SLIT2: variants seen among roughly 807,000 people sequenced by gnomAD.
The protein encoded by SLIT2 is slit homolog 2 protein.
Under a neutral mutation model 185.7 loss-of-function variants are expected in SLIT2, and 41 were observed. The ratio of observed to expected loss-of-function variants is 0.22; its 90% CI spans 0.17 to 0.29. The LOEUF is 0.29. Among genes scored for constraint, SLIT2 ranks in the 10% least tolerant of loss-of-function variants. The pLI is 1.00. For missense variants in SLIT2, 1,571 were observed against 1,909.0 expected (o/e 0.82, Z 3.30); for synonymous variants, 693 against 680.2 (o/e 1.02, Z -0.29).
rs561252636 is a variant in SLIT2, at chr4:20,330,482, A to G, written c.395+61601A>G. On this transcript the variant is annotated intron_variant, in intron 4 of 36. Transcript: ENST00000504154. ...GATTTTGAAAAATTAGTTATTTTTCATTTGAGTGGTATCTTAGAAGTTTAG... is the reference window on the plus strand; with the variant it reads ...GATTTTGAAAAATTAGTTATTTTTCGTTTGAGTGGTATCTTAGAAGTTTAG... 1.8e-4 allele frequency among the ~76,000 whole-genome samples: 27 copies of G among 152,258 alleles called. 1 individual carries two copies. The highest frequency in any genetic ancestry group is 6.5e-4 in the African/African-American group (27 of 41,586).
intron 4 of SLIT2, among the ~76,000 whole-genome samples, chr4:20,424,777 AG>A (rs1269157918): frequency 6.6e-6 from 1 of 152,090 alleles, no homozygotes; most frequent in East Asian, 1.9e-4. Flanking sequence ...GAGATTTACC[AG>A]GTGTTCATTA....
intron 4 of SLIT2, among the ~76,000 whole-genome samples, chr4:20,320,058 A>G (rs1270507366): frequency 6.6e-6 from 1 of 152,146 alleles, no homozygotes; most frequent in Non-Finnish European, 1.5e-5. Flanking sequence ...GTCACTGTAC[A>G]GTGTAGTCAG....
intron 4 of SLIT2, among the ~76,000 whole-genome samples, chr4:20,456,819 AC>A (rs1473535272): frequency 1.3e-5 from 2 of 152,116 alleles, no homozygotes; most frequent in Non-Finnish European, 2.9e-5. Context: ...TGAGACTGAG[AC>A]TATAGTTTAG....
chr4:20,432,434 G>A (rs533965609), intron 4 of SLIT2, among the ~76,000 whole-genome samples: 1 of 151,880 alleles, frequency 6.6e-6, no homozygotes, highest in East Asian at 1.9e-4. Flanking sequence ...TGTGGGAAAT[G>A]AGGTAAGACC....
At chr4:20,342,921 CTTTT>C (rs940747205) in intron 4 of SLIT2, among the ~76,000 whole-genome samples, 1 of 151,548 alleles carries the variant, frequency 6.6e-6, no homozygotes, top group Non-Finnish European at 1.5e-5. Context: ...TCTTTTCTTT[CTTTT>C]TTTCTTTCAT....
Position 20,390,088 on chromosome 4 carries a change from G to C in SLIT2, c.396-77664G>C, listed in dbSNP as rs73238778. ...CTCCAGACTTCTTTGATCATAGTCC[G>C]TATCAAGAAAGAATGTGTACATGTA... On this transcript the variant is annotated intron_variant, in intron 4 of 36. Coordinates refer to ENST00000504154, the MANE Select transcript of SLIT2 (RefSeq NM_004787.4). Among the ~76,000 whole-genome samples, 88 of 151,902 alleles carry C rather than the reference G, an allele frequency of 5.8e-4. No homozygotes were observed. In the South Asian group the frequency reaches 0.015, roughly 25 times the overall value.
chr4:20,407,650 G>C (rs546651139), intron 4 of SLIT2, among the ~76,000 whole-genome samples: 2 of 152,306 alleles, frequency 1.3e-5, no homozygotes, highest in East Asian at 3.9e-4. Context: ...AGTATCTTCA[G>C]AAGGCCAAGG....
intron 4 of SLIT2, among the ~76,000 whole-genome samples, chr4:20,385,541 T>C (rs1351146631): frequency 6.6e-6 from 1 of 152,182 alleles, no homozygotes; most frequent in Admixed American, 6.5e-5. Flanking sequence ...CAACTAATTA[T>C]ACAGGTTTTG....
intron 4 of SLIT2, among the ~76,000 whole-genome samples, chr4:20,320,610 C>T (rs1174842673): frequency 6.6e-6 from 1 of 152,074 alleles, no homozygotes; most frequent in African/African-American, 2.4e-5. Context: ...TTCCTTATCC[C>T]CACTACTCCC....
At chr4:20,469,816 T>TACAATCTC (rs1333098246) in intron 5 of SLIT2, among the ~76,000 whole-genome samples, 1 of 139,076 alleles carries the variant, frequency 7.2e-6, no homozygotes. Flanking sequence ...AGTGCAGTGG[T>TACAATCTC]ACAATCTCAG....
chr4:20,271,012 T>C (rs1713545469), intron 4 of SLIT2, among the ~76,000 whole-genome samples: 1 of 151,996 alleles, frequency 6.6e-6, no homozygotes, highest in Non-Finnish European at 1.5e-5. Flanking sequence ...TGGAAGTCTT[T>C]AATAAACAAA....
At chr4:20,458,336 T>C (rs950980865) in intron 4 of SLIT2, among the ~76,000 whole-genome samples, 4 of 152,084 alleles carry the variant, frequency 2.6e-5, no homozygotes, top group African/African-American at 9.7e-5. Flanking sequence ...ATCTACAATT[T>C]CCAACTAGAT....
chr4:20,412,389 A>G (rs1727327468), intron 4 of SLIT2, among the ~76,000 whole-genome samples: 1 of 152,156 alleles, frequency 6.6e-6, no homozygotes, highest in Non-Finnish European at 1.5e-5. Flanking sequence ...TAAATTAATC[A>G]TCTTATAAGA....
At chr4:20,531,549 T>C (rs1721812203) in intron 16 of SLIT2, among the ~76,000 whole-genome samples, 1 of 152,196 alleles carries the variant, frequency 6.6e-6, no homozygotes, top group Admixed American at 6.5e-5. Context: ...ATAGCAAAGA[T>C]GGTTCCACAA....
chr4:20,263,181 GGAAA>G (rs1319831072), intron 3 of SLIT2, among the ~76,000 whole-genome samples: 1 of 151,552 alleles, frequency 6.6e-6, no homozygotes, highest in East Asian at 1.9e-4. Context: ...AACTTGACAT[GGAAA>G]GAGAGACATT....
intron 26 of SLIT2, among the ~76,000 whole-genome samples, chr4:20,559,852 G>A (rs1279054923): frequency 2.6e-5 from 4 of 151,826 alleles, no homozygotes; most frequent in Admixed American, 6.6e-5. Flanking sequence ...AATTTTCAGT[G>A]TAAATAAGAT....
intron 4 of SLIT2, among the ~76,000 whole-genome samples, chr4:20,335,455 T>G (rs1436592222): frequency 6.6e-6 from 1 of 152,204 alleles, no homozygotes; most frequent in African/African-American, 2.4e-5. Context: ...TTTGATAATA[T>G]GTGTAAAAGA....
At chr4:20,596,289 AC>A in intron 31 of SLIT2, 125 bp from the exon 32 acceptor site, 1 of 865,582 alleles carries the variant, frequency 1.2e-6, no homozygotes, top group African/African-American at 1.7e-5. Context: ...AGTTAAGAAT[AC>A]TTGAAAACTG....
chr4:20,436,061 G>A (rs903662399), intron 4 of SLIT2, among the ~76,000 whole-genome samples: 3 of 152,326 alleles, frequency 2.0e-5, no homozygotes, highest in Admixed American at 2.0e-4. Flanking sequence ...GCACTCAGTT[G>A]AACTTAGTCA....
Sources: gnomAD v4.1 joint callset for allele counts (sites outside exome capture counted in the v4.1 genomes callset) on GRCh38, gnomAD v4.1.1 for gene constraint, MANE v1.5 for transcripts, NCBI Gene and HGNC (gene_info 2026-07-23, HGNC 2026-07-21) for gene names.